The following SBNO2 variants were observed in gnomAD, a reference collection of about 807,000 sequenced individuals.
SBNO2 encodes protein strawberry notch homolog 2.
SBNO2 carries 89 observed loss-of-function variants against 146.3 expected under a neutral mutation model. The observed-to-expected ratio is 0.61, with a 90% CI of 0.51 to 0.73. The LOEUF (loss-of-function observed/expected upper bound fraction) is 0.73. SBNO2 is among the 30% of genes least tolerant of loss of function. The probability of loss-of-function intolerance (pLI) is 0.00; values close to 1 mark genes in which losing one functional copy is unlikely to be tolerated. For missense variants in SBNO2, 2,092 were observed against 2,003.7 expected, an observed-to-expected ratio of 1.04 and a Z score of -0.84; for synonymous variants, 1,147 against 892.6, an observed-to-expected ratio of 1.29 and a Z score of -5.08.
At chr19:1,116,135 C>A in intron 16 of SBNO2, 32 bp from the exon 17 acceptor site, 2 of 1,583,464 alleles carry the variant, frequency 1.3e-6, no homozygotes, top group Non-Finnish European at 1.7e-6. Flanking sequence ...TATTCTCACA[C>A]GAGGAGCTGA....
At position 1,150,095 on chromosome 19, in the gene SBNO2, G is replaced by A. The variant is rs1009153142; in HGVS notation, c.94-653C>T. Among the ~76,000 whole-genome samples the A allele has an allele frequency of 1.3e-5, 2 of 152,146 alleles. No individual in the cohort carries two copies. The highest frequency in any genetic ancestry group is 4.8e-5 in the African/African-American group (2 of 41,414). On this transcript the variant is annotated intron_variant, in intron 2 of 31. Coordinates refer to ENST00000361757, the MANE Select transcript of SBNO2 (RefSeq NM_014963.3). This position sits in a 1 kb window ranked among gnomAD's most constrained non-coding sequence, Gnocchi z 6.2. ...CCCGAGGTCAGTGGAGGCGTGAGTG[G>A]CTCCAGGTTGGCCGAATCTCTGGTG...
intron 15 of SBNO2, 57 bp downstream of exon 15, chr19:1,117,266 A>T (rs2079843776): frequency 1.4e-6 from 2 of 1,474,912 alleles, no homozygotes; most frequent in Non-Finnish European, 1.8e-6. Flanking sequence ...GAAGAAGAGC[A>T]GCCTCCGCCC....
At chr19:1,165,269 T>G (rs1282194752) in intron 1 of SBNO2, among the ~76,000 whole-genome samples, 1 of 152,138 alleles carries the variant, frequency 6.6e-6, no homozygotes, top group Non-Finnish European at 1.5e-5. Flanking sequence ...CGGTGCCGAA[T>G]GCAGGCCTGG....
intron 17 of SBNO2, 82 bp from the exon 18 acceptor site, chr19:1,114,504 A>G (rs2079808057): frequency 8.2e-7 from 1 of 1,222,134 alleles, no homozygotes; most frequent in South Asian, 1.6e-5. Context: ...AGGACAGAGC[A>G]AGGCCAGTGG....
chr19:1,117,256 G>T, intron 15 of SBNO2, 67 bp downstream of exon 15: 2 of 1,453,608 alleles, frequency 1.4e-6, no homozygotes, highest in South Asian at 1.4e-5. Context: ...GAAGGACCTG[G>T]AAGAAGAGCA....
intron 9 of SBNO2, 39 bp from the exon 10 acceptor site, chr19:1,122,597 C>G: frequency 2.1e-6 from 3 of 1,409,518 alleles, no homozygotes; most frequent in Non-Finnish European, 2.9e-6. Context: ...ACCCTTCCCC[C>G]TCGCCCCCCG....
chr19:1,120,180 T>C lies in SBNO2; in HGVS notation c.1150-157A>G, dbSNP rs1384524719. The C allele has an allele frequency of 6.5e-6, 4 of 617,130 alleles. No individual in the cohort carries two copies. The East Asian group carries it at 1.1e-4, about 17-fold the overall frequency. 38.2% of individuals were successfully genotyped at this position (617,130 alleles called of 1,614,324 possible). A position where few individuals can be genotyped will look rare whatever the true frequency, so the allele number is the denominator to read the frequency against. On this transcript the variant is annotated intron_variant, in intron 11 of 31. Coordinates refer to ENST00000361757, the MANE Select transcript of SBNO2 (RefSeq NM_014963.3). Reference sequence around the variant, plus strand: ...AGCCCAGGTCGGAGTGGCAGCCGGCTACCATGGGGGGCGGGCGGGCAGGCG... The same window carrying C: ...AGCCCAGGTCGGAGTGGCAGCCGGCCACCATGGGGGGCGGGCGGGCAGGCG...
At chr19:1,114,925 G>A (rs1432729667) in intron 17 of SBNO2, among the ~76,000 whole-genome samples, 1 of 149,966 alleles carries the variant, frequency 6.7e-6, no homozygotes, top group African/African-American at 2.5e-5. Context: ...GAACCACCAC[G>A]CCTGGCTTAT....
intron 17 of SBNO2, among the ~76,000 whole-genome samples, chr19:1,114,711 T>C (rs1158641432): frequency 6.6e-6 from 1 of 152,228 alleles, no homozygotes; most frequent in Non-Finnish European, 1.5e-5. Context: ...GGCATCTCAC[T>C]GCACTCTCTG....
Position 1,108,845 on chromosome 19 carries a change from C to A in SBNO2, c.3550G>T (p.Asp1184Tyr). Residue 1184 changes from aspartate to tyrosine, a missense_variant, in exon 31 of 32, where the codon GAC becomes TAC. Coordinates refer to ENST00000361757, the MANE Select transcript of SBNO2 (RefSeq NM_014963.3). Reference sequence around the variant, plus strand: ...TGCAGGTAGCTGCTGCTGCTGACGTCGGCCATGACGGCGGCGATGCGGCCC... The same window carrying A: ...TGCAGGTAGCTGCTGCTGCTGACGTAGGCCATGACGGCGGCGATGCGGCCC... ...VWGRIAAVMA[D>Y]VSSSSYLQIV... 2 of 1,598,870 alleles carry A rather than the reference C, an allele frequency of 1.3e-6. No homozygotes were observed. The highest frequency in any genetic ancestry group is 1.7e-6 in the Non-Finnish European group (2 of 1,178,074).
rs1170315800 is a variant in SBNO2 at position 1,110,187 on chromosome 19, T to C, written c.3029-410A>G. On this transcript the variant is annotated intron_variant, in intron 26 of 31. Coordinates refer to ENST00000361757, the MANE Select transcript of SBNO2 (RefSeq NM_014963.3). This position sits in a 1 kb window ranked among gnomAD's most constrained non-coding sequence, Gnocchi z 4.9. ...GCTGTGGGGGATCGTGGGAGCCTGG[T>C]TGGCTGCGGCACTGCTCATGAGTGA... Among the ~76,000 whole-genome samples the C allele has an allele frequency of 2.6e-5, 4 of 152,024 alleles. No individual in the cohort carries two copies. Among genetic ancestry groups the C allele is most frequent in the Non-Finnish European group, 5.9e-5 (4 of 67,978 alleles).
At chr19:1,172,813 AGCACAGGCCAGCTCCGAG>A (rs2080493606) in intron 1 of SBNO2, among the ~76,000 whole-genome samples, 1 of 98,836 alleles carries the variant, frequency 1.0e-5, no homozygotes, top group South Asian at 4.0e-4. Context: ...AGCCAGCATC[AGCACAGGCCAGCTCCGAG>A]GCCGGGCACT....
intron 4 of SBNO2, among the ~76,000 whole-genome samples, chr19:1,129,788 C>T (rs780438777): frequency 5.3e-5 from 8 of 152,262 alleles, no homozygotes; most frequent in Non-Finnish European, 7.4e-5. Context: ...GTGCAGGGAG[C>T]GCAGGCAGAG....
chr19:1,109,868 G>T lies in SBNO2; in HGVS notation c.3029-91C>A. The T allele has an allele frequency of 4.3e-6, 4 of 931,822 alleles. No homozygotes were observed. Among genetic ancestry groups the T allele is most frequent in the Admixed American group, 2.6e-5 (1 of 37,816 alleles). The allele number at this position is 931,822 out of a possible 1,614,324, so 57.7% of individuals were successfully genotyped here. A position where few individuals can be genotyped will look rare whatever the true frequency, so the allele number is the denominator to read the frequency against. ...TCCCGTAGCCGGGGCGCACCCTAGA[G>T]ACGACCCCCCGAGAGCACAGGAGAG... On this transcript the variant is annotated intron_variant, in intron 26 of 31. Coordinates refer to ENST00000361757, the MANE Select transcript of SBNO2 (RefSeq NM_014963.3). This position sits in a 1 kb window ranked among gnomAD's most constrained non-coding sequence, Gnocchi z 4.2.
At position 1,108,411 on chromosome 19, in the gene SBNO2, C is replaced by T. The variant is rs1405895846; in HGVS notation, c.3910G>A (p.Ala1304Thr). ...PDAQADPAAL[A>T]HQGCDINFKE... ...AAGTTGATGTCGCAGCCCTGGTGCG[C>T]GAGGGCCGCAGGGTCGGCCTGGGCG... The change falls in exon 32 of 32, where the codon GCG becomes ACG. Residue 1304 changes from alanine (A) to threonine (T), a missense_variant. By Grantham distance (58) the Ala-to-Thr change is moderately conservative. Coordinates refer to ENST00000361757, the MANE Select transcript of SBNO2 (RefSeq NM_014963.3). The T allele has an allele frequency of 2.2e-5, 28 of 1,275,190 alleles. No individual in the cohort carries two copies. The highest frequency in any genetic ancestry group is 2.7e-5 in the Non-Finnish European group (27 of 1,005,648). 79.0% of individuals were successfully genotyped at this position (1,275,190 alleles called of 1,614,324 possible).
intron 4 of SBNO2, among the ~76,000 whole-genome samples, chr19:1,138,691 C>T (rs1168312695): frequency 2.0e-5 from 3 of 150,672 alleles, no homozygotes; most frequent in Non-Finnish European, 4.4e-5. Context: ...GTGGGGCCCT[C>T]CACGCCTCCA....
At chr19:1,132,362 T>G in intron 4 of SBNO2, 1 of 1,154,822 alleles carries the variant, frequency 8.7e-7, no homozygotes, top group Non-Finnish European at 1.1e-6. Context: ...TCAGGGCAAT[T>G]ACCGGCAGTG....
rs766524149 is a variant in SBNO2, at chr19:1,113,538, C to T, written c.2244G>A (p.Ala748=). The change falls in exon 19 of 32, where the codon GCG becomes GCA. Residue 748 remains alanine, a synonymous_variant. Transcript: ENST00000361757. ...IDQLGGPQRV[A]EMTGRKGRVV... is the part of the protein sequence containing the mutation. ...CCAGCTGCCACGTCCCACCCACCTC[C>T]GCCACCCGCTGGGGGCCGCCCAGCT... The T allele has an allele frequency of 1.0e-5, 16 of 1,592,630 alleles. No individual in the cohort carries two copies. Among genetic ancestry groups the T allele is most frequent in the African/African-American group, 5.5e-5 (4 of 72,872 alleles).
intron 5 of SBNO2, among the ~76,000 whole-genome samples, chr19:1,127,035 C>T (rs147723165): frequency 2.1e-4 from 32 of 152,352 alleles, no homozygotes; most frequent in Non-Finnish European, 4.4e-4. Context: ...TGTCCAGCTC[C>T]CCACCCTGGG....
Sources: allele counts gnomAD v4.1 joint callset (sites outside exome capture counted in the v4.1 genomes callset), GRCh38; gene constraint gnomAD v4.1.1; non-coding constraint Gnocchi (gnomAD v3.1); transcripts MANE v1.5; gene names NCBI Gene and HGNC (gene_info 2026-07-23, HGNC 2026-07-21).